Variants in FMN2 observed in about 807,000 individuals in gnomAD.
FMN2 encodes formin 2, also known as formin-2.
A neutral mutation model predicts 142.3 loss-of-function variants in FMN2; 51 were observed. The ratio of observed to expected loss-of-function variants is 0.36; its 90% CI spans 0.29 to 0.45. The LOEUF (loss-of-function observed/expected upper bound fraction) is 0.45. Ranked by LOEUF, FMN2 falls within the 20% of genes least tolerant of loss-of-function variation. FMN2 has a pLI of 1.00. For missense variants in FMN2, 1,936 were observed against 2,122.8 expected, an observed-to-expected ratio of 0.91 and a Z score of 1.73; for synonymous variants, 882 against 869.8, an observed-to-expected ratio of 1.01 and a Z score of -0.25.
At chr1:240,265,444 A>G (rs556321022) in intron 7 of FMN2, among the ~76,000 whole-genome samples, 2 of 152,280 alleles carry the variant, frequency 1.3e-5, no homozygotes, top group East Asian at 1.9e-4. Context: ...AAAAATTGCT[A>G]TCACCAAGCT....
At chr1:240,380,388 G>C (rs1231299502) in intron 14 of FMN2, among the ~76,000 whole-genome samples, 3 of 151,908 alleles carry the variant, frequency 2.0e-5, no homozygotes, top group African/African-American at 7.3e-5. Flanking sequence ...CAAAACCTTT[G>C]GGTAAACAAC....
At chr1:240,151,481 C>T (rs921886735) in intron 2 of FMN2, among the ~76,000 whole-genome samples, 1 of 151,938 alleles carries the variant, frequency 6.6e-6, no homozygotes, top group Non-Finnish European at 1.5e-5. Flanking sequence ...TTTCCTGGGG[C>T]GAATTGTTCA....
chr1:240,442,916 T>TA lies in FMN2; in HGVS notation c.5060+4708dup, dbSNP rs1036487229. Among the ~76,000 whole-genome samples, 8 of 152,248 alleles carry TA rather than the reference T, an allele frequency of 5.3e-5. 1 individual carries two copies. Among genetic ancestry groups the TA allele is most frequent in the African/African-American group, 1.9e-4 (8 of 41,462 alleles). ...AATTAGTTTTCAAGAGTCAGTTTCC[T>TA]AATCTGTAAAAGAGAAATGATAATA... On this transcript the variant is annotated intron_variant, in intron 16 of 17. Transcript: ENST00000319653.
intron 2 of FMN2, among the ~76,000 whole-genome samples, chr1:240,172,082 T>C (rs763019879): frequency 6.6e-6 from 1 of 152,206 alleles, no homozygotes; most frequent in African/African-American, 2.4e-5. Flanking sequence ...AGTATGTTGA[T>C]TATTTATACT....
At position 240,294,901 on chromosome 1, in the gene FMN2, T is replaced by C. The variant is rs200957712; in HGVS notation, c.4215+18T>C. Reference sequence around the variant, plus strand: ...ATGAGAATGTGAGTAATAGAAGGAATTTTATGTGTGAGTATATAATATGTA... The same window carrying C: ...ATGAGAATGTGAGTAATAGAAGGAACTTTATGTGTGAGTATATAATATGTA... On this transcript the variant is annotated intron_variant, in intron 8 of 17. Transcript: ENST00000319653. 561 of 1,606,164 alleles carry C rather than the reference T, an allele frequency of 3.5e-4. No individual in the cohort carries two copies. The highest frequency in any genetic ancestry group is 4.6e-4 in the Non-Finnish European group (537 of 1,173,210).
At chr1:240,145,394 T>C (rs1663403770) in intron 2 of FMN2, 2 of 514,160 alleles carry the variant, frequency 3.9e-6, no homozygotes, top group South Asian at 7.1e-5. Context: ...CACTGCCCTT[T>C]ATTTTTTAAT....
chr1:240,119,523 T>C (rs1662153978), intron 1 of FMN2, among the ~76,000 whole-genome samples: 1 of 152,160 alleles, frequency 6.6e-6, no homozygotes, highest in Non-Finnish European at 1.5e-5. Flanking sequence ...TTTTGGGCTG[T>C]TACAGCTGGG....
chr1:240,136,193 C>G (rs1050637969), intron 2 of FMN2, among the ~76,000 whole-genome samples: 1 of 151,996 alleles, frequency 6.6e-6, no homozygotes, highest in African/African-American at 2.4e-5. Flanking sequence ...TAATAAATTT[C>G]TAATATGTGT....
intron 15 of FMN2, among the ~76,000 whole-genome samples, chr1:240,406,771 C>T (rs184829184): frequency 7.2e-4 from 109 of 152,252 alleles, no homozygotes; most frequent in Non-Finnish European, 1.2e-3. Flanking sequence ...AGGATACCAG[C>T]TCCCCCAGCC....
In FMN2 at chr1:240,247,082, C is replaced by T. The variant is rs1302788042; in HGVS notation, c.4066-10863C>T. Among the ~76,000 whole-genome samples the T allele has an allele frequency of 2.6e-5, 4 of 152,298 alleles. No individual in the cohort carries two copies. In the East Asian group the frequency reaches 7.7e-4, roughly 29 times the overall value. ...ACTTAAGGACACTGTGGAATCCATC[C>T]TTTTAGACATCTGTCCTCTTCTGAA... On this transcript the variant is annotated intron_variant, in intron 6 of 17. Transcript: ENST00000319653.
intron 15 of FMN2, among the ~76,000 whole-genome samples, chr1:240,427,495 G>A (rs543129992): frequency 3.1e-4 from 47 of 152,226 alleles, no homozygotes; most frequent in Non-Finnish European, 6.5e-4. Flanking sequence ...ATGAGCCACC[G>A]CACCTGGCCA....
chr1:240,435,541 CAT>C (rs1162281244), intron 15 of FMN2, among the ~76,000 whole-genome samples: 5 of 151,780 alleles, frequency 3.3e-5, no homozygotes, highest in Admixed American at 2.0e-4. Flanking sequence ...TGTAATATAA[CAT>C]ATGTAATATA....
intron 7 of FMN2, among the ~76,000 whole-genome samples, chr1:240,282,695 T>C (rs1415660543): frequency 6.6e-6 from 1 of 152,200 alleles, no homozygotes; most frequent in Non-Finnish European, 1.5e-5. Context: ...CCCAAGCATC[T>C]TAGTGGTGAG....
Position 240,222,422 on chromosome 1 carries a change from G to A in FMN2, c.4065+11187G>A, listed in dbSNP as rs201192869. On this transcript the variant is annotated intron_variant, in intron 6 of 17. Transcript: ENST00000319653. ...GTAGTAGAGTTTGAAGTCAGGTGGT[G>A]TGATGCTTCCAGCTTTGTTCTTTTT... is the stretch of plus-strand genomic sequence containing the variant. Among the ~76,000 whole-genome samples, 76 of 152,190 alleles carry A rather than the reference G, an allele frequency of 5.0e-4. No individual in the cohort carries two copies. In the East Asian group the frequency reaches 0.013, roughly 25 times the overall value.
chr1:240,130,346 A>G (rs776540638), intron 2 of FMN2, among the ~76,000 whole-genome samples: 3 of 152,196 alleles, frequency 2.0e-5, no homozygotes, highest in Non-Finnish European at 2.9e-5. Flanking sequence ...TCAGTCACCC[A>G]GGCTGGAGGG....
At chr1:240,406,115 G>A (rs1674178021) in intron 15 of FMN2, among the ~76,000 whole-genome samples, 1 of 101,656 alleles carries the variant, frequency 9.8e-6, no homozygotes, top group Non-Finnish European at 1.9e-5. Flanking sequence ...TGGGGGAAGC[G>A]AAGGGAATCA....
rs777182942 is a variant in FMN2, at chr1:240,092,191, G to A, written c.82G>A (p.Gly28Arg). 6.3e-7 allele frequency: 1 copy of A among 1,582,688 alleles called. No homozygotes were observed. ...EGGGGAEDAL[G>R]PRDVEATKKG... is the part of the protein sequence containing the mutation. ...CGGCGGTGGCGCCGAGGATGCGCTG[G>A]GGCCCAGGGATGTGGAAGCCACAAA... The change falls in exon 1 of 18, where the codon GGG becomes AGG. Residue 28 changes from glycine to arginine, a missense_variant. Physicochemically the swap from Gly to Arg is moderately radical, Grantham distance 125. Around this residue, in one of 8 missense-constraint regions of FMN2, gnomAD observed 751 missense variants for 791.8 expected, o/e 0.95. Transcript: ENST00000319653.
At chr1:240,399,357 A>G (rs950259640) in intron 15 of FMN2, among the ~76,000 whole-genome samples, 1 of 152,178 alleles carries the variant, frequency 6.6e-6, no homozygotes, top group Admixed American at 6.5e-5. Context: ...AATATAAAAC[A>G]GTTATTTAAC....
chr1:240,195,353 T>C (rs904797568), intron 4 of FMN2, among the ~76,000 whole-genome samples: 5 of 152,234 alleles, frequency 3.3e-5, no homozygotes, highest in Non-Finnish European at 7.3e-5. Context: ...TTTTTCTTGT[T>C]GGTTTTACTG....
Sources: allele counts gnomAD v4.1 joint callset (sites outside exome capture counted in the v4.1 genomes callset), GRCh38; gene constraint gnomAD v4.1.1; regional missense constraint gnomAD v4.1.1; transcripts MANE v1.5; gene names NCBI Gene and HGNC (gene_info 2026-07-23, HGNC 2026-07-21).